PLEKHB1: variants seen among roughly 807,000 people sequenced by gnomAD.
PLEKHB1 encodes pleckstrin homology domain containing B1, also known as pleckstrin homology domain-containing family B member 1.
A neutral mutation model predicts 36.2 loss-of-function variants in PLEKHB1; 29 were observed. The ratio of observed to expected loss-of-function variants is 0.80; its 90% CI spans 0.60 to 1.09. PLEKHB1 has a LOEUF of 1.09. Ranked by LOEUF, PLEKHB1 falls within the 50% of genes least tolerant of loss-of-function variation. The pLI is 0.00. For missense variants in PLEKHB1, 330 were observed against 348.2 expected, an observed-to-expected ratio of 0.95 and a Z score of 0.42; for synonymous variants, 138 against 140.0, an observed-to-expected ratio of 0.99 and a Z score of 0.10.
intron 6 of PLEKHB1, among the ~76,000 whole-genome samples, chr11:73,657,005 G>A (rs1945006537): frequency 6.6e-6 from 1 of 152,110 alleles, no homozygotes; most frequent in South Asian, 2.1e-4. Flanking sequence ...ACAAAAATTA[G>A]CAAGACATGG....
In PLEKHB1 at chr11:73,660,837, G is replaced by A. The variant is rs777506002; in HGVS notation, c.580G>A (p.Gly194Arg). Residue 194 changes from glycine to arginine, a missense_variant, in exon 7 of 8, where the codon GGA becomes AGA. Gly to Arg is a moderately radical substitution (Grantham distance 125). Transcript: ENST00000354190. ...GGCCACGTATGTCCGCAGCTACTACGGACCGCCCTACGCAGGTAAGTCTCC... is the reference window on the plus strand; with the variant it reads ...GGCCACGTATGTCCGCAGCTACTACAGACCGCCCTACGCAGGTAAGTCTCC... ...HEATYVRSYY[G>R]PPYAGPGVTH... 3 of 1,591,362 alleles carry A rather than the reference G, an allele frequency of 1.9e-6. No homozygotes were observed. Among genetic ancestry groups the A allele is most frequent in the Non-Finnish European group, 2.6e-6 (3 of 1,171,586 alleles).
In PLEKHB1 at chr11:73,650,678, G is replaced by T. The variant is rs1334436279; in HGVS notation, c.220G>T (p.Asp74Tyr). The T allele has an allele frequency of 1.9e-6, 3 of 1,609,304 alleles. 1 individual carries two copies. The South Asian group carries it at 3.3e-5, about 18-fold the overall frequency. The change falls in exon 3 of 8, where the codon GAC becomes TAC. Residue 74 changes from aspartate (D) to tyrosine (Y), a missense_variant. Coordinates refer to ENST00000354190, the MANE Select transcript of PLEKHB1 (RefSeq NM_021200.3). ...TGTGCTCATCCACTTCAATGTCCGTGACATAAAGATCGGCCCAGAGTGCCA... is the reference window on the plus strand; with the variant it reads ...TGTGCTCATCCACTTCAATGTCCGTTACATAAAGATCGGCCCAGAGTGCCA... Reference protein sequence around the residue: ...DRVLIHFNVRDIKIGPECHDV... With the variant: ...DRVLIHFNVRYIKIGPECHDV...
chr11:73,658,789 T>A (rs1314379685), intron 6 of PLEKHB1, among the ~76,000 whole-genome samples: 3 of 152,192 alleles, frequency 2.0e-5, no homozygotes, highest in African/African-American at 7.2e-5. Flanking sequence ...GCTAATTTTT[T>A]AATTTTTTGT....
At chr11:73,660,990 G>A (rs902871080) in intron 7 of PLEKHB1, 138 bp downstream of exon 7, 1 of 783,922 alleles carries the variant, frequency 1.3e-6, no homozygotes, top group Non-Finnish European at 2.1e-6. Context: ...CTCTCCGCAA[G>A]CCCCTCTCCA....
intron 6 of PLEKHB1, among the ~76,000 whole-genome samples, chr11:73,657,550 G>A (rs1757163426): frequency 6.6e-6 from 1 of 152,142 alleles, no homozygotes; most frequent in Non-Finnish European, 1.5e-5. Context: ...ATGGGTCTCT[G>A]GGCTGTCCCT....
chr11:73,649,116 G>A (rs1192397458), intron 2 of PLEKHB1, 29 bp downstream of exon 2: 17 of 1,573,222 alleles, frequency 1.1e-5, no homozygotes, highest in African/African-American at 2.7e-5. Flanking sequence ...CTGGTCCTGG[G>A]GCAGGGTGAA....
intron 2 of PLEKHB1, among the ~76,000 whole-genome samples, chr11:73,649,395 C>A (rs976786270): frequency 6.6e-6 from 1 of 152,100 alleles, no homozygotes; most frequent in Non-Finnish European, 1.5e-5. Flanking sequence ...GTTTTCACGG[C>A]GCCTTACAGT....
chr11:73,653,646 A>G (rs1201270012), intron 5 of PLEKHB1, among the ~76,000 whole-genome samples: 1 of 152,236 alleles, frequency 6.6e-6, no homozygotes, highest in Non-Finnish European at 1.5e-5. Flanking sequence ...AAGGATAAAC[A>G]GAAATTGACT....
chr11:73,660,570 G>A, intron 6 of PLEKHB1, 183 bp from the exon 7 acceptor site: 4 of 600,858 alleles, frequency 6.7e-6, no homozygotes, highest in Non-Finnish European at 1.2e-5. Context: ...AGTTTTAGAG[G>A]ACCGTGGACC....
intron 6 of PLEKHB1, among the ~76,000 whole-genome samples, chr11:73,657,709 G>A (rs1330435827): frequency 1.3e-5 from 2 of 152,182 alleles, no homozygotes; most frequent in Non-Finnish European, 2.9e-5. Flanking sequence ...AGGGCAAGGT[G>A]GAGGCTGTGG....
chr11:73,660,980 C>G, intron 7 of PLEKHB1, 128 bp downstream of exon 7: 1 of 853,202 alleles, frequency 1.2e-6, no homozygotes, highest in Non-Finnish European at 1.8e-6. Flanking sequence ...CCAGGCAGAA[C>G]TCTCCGCAAG....
chr11:73,658,013 G>A (rs754755389), intron 6 of PLEKHB1, among the ~76,000 whole-genome samples: 1 of 152,110 alleles, frequency 6.6e-6, no homozygotes, highest in Non-Finnish European at 1.5e-5. Context: ...CATTTATTAG[G>A]TACCTGCCAT....
At chr11:73,650,865 T>G (rs943387281) in intron 3 of PLEKHB1, among the ~76,000 whole-genome samples, 160 bp downstream of exon 3, 4 of 151,824 alleles carry the variant, frequency 2.6e-5, no homozygotes, top group African/African-American at 9.7e-5. Context: ...TTGGTGTGAG[T>G]TAAGAAATAG....
chr11:73,661,867 T>C lies in PLEKHB1; in HGVS notation c.*265T>C, dbSNP rs1381521942. On this transcript the variant is annotated 3_prime_UTR_variant, in exon 8 of 8. Coordinates refer to ENST00000354190, the MANE Select transcript of PLEKHB1 (RefSeq NM_021200.3). This position sits in a 1 kb window ranked among gnomAD's most constrained non-coding sequence, Gnocchi z 4.6. ...TCTGTTATAGACATTTATGGATACA[T>C]TTCCTCTAAACACAACAGGGCACAG... 2 of 454,158 alleles carry C rather than the reference T, an allele frequency of 4.4e-6. No individual in the cohort carries two copies. Among genetic ancestry groups the C allele is most frequent in the Non-Finnish European group, 7.8e-6 (2 of 257,228 alleles). The allele number at this position is 454,158 out of a possible 1,614,324, so 28.1% of individuals were successfully genotyped here.
At chr11:73,647,358 C>T (rs1209470561) in intron 1 of PLEKHB1, 1 of 169,080 alleles carries the variant, frequency 5.9e-6, no homozygotes, top group African/African-American at 2.4e-5. Context: ...CTTGGCTTCT[C>T]CTTGCAACTT....
At chr11:73,657,455 CCT>C (rs1945016842) in intron 6 of PLEKHB1, among the ~76,000 whole-genome samples, 3 of 152,304 alleles carry the variant, frequency 2.0e-5, no homozygotes, top group African/African-American at 4.8e-5. Flanking sequence ...CATGTGACCC[CCT>C]GATTGGTCAA....
At chr11:73,660,927 AAGTC>A in intron 7 of PLEKHB1, 75 bp downstream of exon 7, 6 of 1,341,402 alleles carry the variant, frequency 4.5e-6, no homozygotes, top group Non-Finnish European at 6.3e-6. Flanking sequence ...CACGGTCCGT[AAGTC>A]CGGACCAGGC....
At chr11:73,657,929 A>C (rs1233608203) in intron 6 of PLEKHB1, among the ~76,000 whole-genome samples, 1 of 152,188 alleles carries the variant, frequency 6.6e-6, no homozygotes, top group African/African-American at 2.4e-5. Flanking sequence ...CCTGACTTGA[A>C]ACTGAACTCA....
intron 5 of PLEKHB1, chr11:73,653,585 C>G (rs1361059244): frequency 5.1e-6 from 2 of 394,316 alleles, no homozygotes; most frequent in African/African-American, 4.1e-5. Context: ...TTTGCAGTGT[C>G]TGGCCCTTTC....
Sources: gnomAD v4.1 joint callset for allele counts (sites outside exome capture counted in the v4.1 genomes callset) on GRCh38, gnomAD v4.1.1 for gene constraint, Gnocchi (gnomAD v3.1) non-coding constraint, MANE v1.5 for transcripts, NCBI Gene and HGNC (gene_info 2026-07-23, HGNC 2026-07-21) for gene names.